GLB1: variants seen among roughly 807,000 people sequenced by gnomAD.
The protein encoded by GLB1 is galactosidase beta 1, also known as beta-galactosidase.
In GLB1, 56 loss-of-function variants were observed where a neutral mutation model predicts 74.0. The observed-to-expected ratio is 0.76, with a 90% CI of 0.61 to 0.94. The LOEUF is 0.94. GLB1 is among the 40% of genes least tolerant of loss of function. The pLI is 0.00. For missense variants in GLB1, 787 were observed against 845.5 expected (o/e 0.93, Z 0.86); for synonymous variants, 323 against 323.6 (o/e 1.00, Z 0.02).
intron 6 of GLB1, among the ~76,000 whole-genome samples, chr3:33,056,437 A>G (rs1215189697): frequency 6.6e-6 from 1 of 150,764 alleles, no homozygotes; most frequent in Non-Finnish European, 1.5e-5. Flanking sequence ...TTTTTGAGAC[A>G]GGGTCTTGCT....
rs148221164 is a variant in GLB1 at position 33,013,509 on chromosome 3, G to A, written c.1734+547C>T. 5.4e-3 allele frequency among the ~76,000 whole-genome samples: 818 copies of A among 152,274 alleles called. 6 individuals carry two copies. Among genetic ancestry groups the A allele is most frequent in the African/African-American group, 0.017 (705 of 41,542 alleles). On this transcript the variant is annotated intron_variant, in intron 15 of 15. Coordinates refer to ENST00000307363, the MANE Select transcript of GLB1 (RefSeq NM_000404.4). ...GGTAAGGTGATCTAGGATGAAAACA[G>A]GACATGAGGGAGAGGAGAAGGCGGT...
chr3:32,989,255 G>A, the GLB1 span, among the ~76,000 whole-genome samples: 1 of 152,018 alleles, frequency 6.6e-6, no homozygotes, highest in East Asian at 1.9e-4. Flanking sequence ...TCCTCAGCCC[G>A]TTTCACCTCA....
chr3:32,987,409 T>G, the GLB1 span, among the ~76,000 whole-genome samples: 1 of 152,182 alleles, frequency 6.6e-6, no homozygotes, highest in African/African-American at 2.4e-5. Context: ...TTACCTTTAC[T>G]CTCTTGCCCT....
chr3:33,069,106 A>G (rs1699801851), intron 2 of GLB1, 136 bp from the exon 3 acceptor site: 2 of 1,461,320 alleles, frequency 1.4e-6, no homozygotes, highest in African/African-American at 1.4e-5. Context: ...AAAATTATCC[A>G]AGGCTGGGCA....
the GLB1 span, among the ~76,000 whole-genome samples, chr3:32,967,579 G>A: frequency 1.3e-5 from 2 of 150,780 alleles, no homozygotes; most frequent in Admixed American, 1.3e-4. Context: ...CTTTGATGGG[G>A]CTCAGTCCTT....
In GLB1 at chr3:33,024,316, C is replaced by A. The variant is rs1206835214; in HGVS notation, c.1078G>T (p.Val360Leu). ...GATGGAGGGATAGGACCTTCTGGTA[C>A]TTTTTCAAACTATAAACCAGAGTAG... Reference protein sequence around the residue: ...LRNIIQKFEKVPEGPIPPSTP... With the variant: ...LRNIIQKFEKLPEGPIPPSTP... The change falls in exon 11 of 16, where the codon GTA (valine) becomes TTA (leucine). Residue 360 changes from valine (V) to leucine (L), a missense_variant. Transcript: ENST00000307363. 3 of 1,585,194 alleles carry A rather than the reference C, an allele frequency of 1.9e-6. No individual in the cohort carries two copies. In the African/African-American group the frequency reaches 4.4e-5, roughly 23 times the overall value.
At chr3:33,004,943 A>C (rs1696725584) in intron 15 of GLB1, among the ~76,000 whole-genome samples, 1 of 152,212 alleles carries the variant, frequency 6.6e-6, no homozygotes, top group Non-Finnish European at 1.5e-5. Context: ...TGTGAGGACA[A>C]TCCCCAAAAG....
At chr3:33,009,668 A>G (rs1304682490) in intron 15 of GLB1, among the ~76,000 whole-genome samples, 2 of 152,238 alleles carry the variant, frequency 1.3e-5, no homozygotes, top group Admixed American at 1.3e-4. Context: ...CCATAAAACA[A>G]GTCTAAATAC....
chr3:32,978,447 G>A, the GLB1 span, among the ~76,000 whole-genome samples: 5 of 152,060 alleles, frequency 3.3e-5, no homozygotes, highest in African/African-American at 7.2e-5. Flanking sequence ...CTCTTACATC[G>A]TGGACTCCTG....
chr3:33,043,844 G>GAAA (rs376478014), intron 10 of GLB1, among the ~76,000 whole-genome samples: 5,226 of 104,940 alleles, frequency 0.05, 237 homozygotes, highest in African/African-American at 0.092. Context: ...ACCAAAAAAA[G>GAAA]AAAAAAAAAA....
intron 10 of GLB1, among the ~76,000 whole-genome samples, chr3:33,027,359 T>G (rs907445748): frequency 1.3e-5 from 2 of 152,218 alleles, no homozygotes; most frequent in African/African-American, 4.8e-5. Flanking sequence ...GCTTTATGCC[T>G]GACTTGCCCT....
At chr3:33,026,507 G>A (rs1697764460) in intron 10 of GLB1, among the ~76,000 whole-genome samples, 1 of 152,246 alleles carries the variant, frequency 6.6e-6, no homozygotes. Flanking sequence ...GTGGAAGGGG[G>A]CGAGTCCCTG....
downstream of GLB1, among the ~76,000 whole-genome samples, chr3:32,992,471 T>G (rs1456368930): frequency 6.6e-6 from 1 of 152,210 alleles, no homozygotes; most frequent in African/African-American, 2.4e-5. Context: ...AAACTAGCAT[T>G]TAGTAAGCAG....
intron 7 of GLB1, chr3:33,052,598 TAC>T (rs1250408283): frequency 1.3e-5 from 2 of 156,378 alleles, no homozygotes; most frequent in Non-Finnish European, 2.8e-5. Flanking sequence ...GCCACTGTAC[TAC>T]AGTCTGGCAA....
chr3:33,091,241 A>C, intron 1 of GLB1: 1 of 985,518 alleles, frequency 1.0e-6, no homozygotes, highest in Non-Finnish European at 1.2e-6. Flanking sequence ...TTTAAACTGC[A>C]TGGTATGGCC....
rs747330785 is a variant in GLB1, at chr3:33,093,614, C to T, written c.75+3397G>A. 2 of 1,614,166 alleles carry T rather than the reference C, an allele frequency of 1.2e-6. No individual in the cohort carries two copies. Among genetic ancestry groups the T allele is most frequent in the Admixed American group, 1.7e-5 (1 of 60,028 alleles). ...AGGCAGGCAGCTGATGGATGGGCAC[C>T]TCCACAGTTTTCACAGCCGGGGGCT... On this transcript the variant is annotated intron_variant, in intron 1 of 15. Transcript: ENST00000307363. The surrounding 1 kb of genome is among the most constrained non-coding windows in gnomAD (Gnocchi z 6.0).
At chr3:33,026,755 G>A (rs930595999) in intron 10 of GLB1, among the ~76,000 whole-genome samples, 2 of 152,100 alleles carry the variant, frequency 1.3e-5, no homozygotes, top group African/African-American at 4.8e-5. Context: ...TCTGCTGAGA[G>A]GATGGAGGGA....
At chr3:33,077,245 C>A (rs558912215) in intron 1 of GLB1, 351 of 1,563,280 alleles carry the variant, frequency 2.2e-4, no homozygotes, top group Middle Eastern at 3.4e-4. Flanking sequence ...AGACTGAGAA[C>A]AAAGATCATA....
At chr3:32,988,185 C>CAAAAAA in the GLB1 span, among the ~76,000 whole-genome samples, 1 of 60,394 alleles carries the variant, frequency 1.7e-5, no homozygotes, top group Non-Finnish European at 3.2e-5. Flanking sequence ...GACTCCATCT[C>CAAAAAA]AAAAAAAAAA....
Sources: gnomAD v4.1 joint callset for allele counts (sites outside exome capture counted in the v4.1 genomes callset) on GRCh38, gnomAD v4.1.1 for gene constraint, Gnocchi (gnomAD v3.1) non-coding constraint, MANE v1.5 for transcripts, NCBI Gene and HGNC (gene_info 2026-07-23, HGNC 2026-07-21) for gene names.